EARS2: variants seen among roughly 807,000 people sequenced by gnomAD.
The protein encoded by EARS2 is nondiscriminating glutamyl-tRNA synthetase EARS2, mitochondrial.
In EARS2, 50 loss-of-function variants were observed where a neutral mutation model predicts 54.1. The observed-to-expected ratio is 0.92, with a 90% CI of 0.74 to 1.17. EARS2 has a LOEUF of 1.17. Among genes scored for constraint, EARS2 ranks in the 50% most tolerant of loss-of-function variants. The probability of loss-of-function intolerance (pLI) is 0.00; values close to 1 mark genes in which losing one functional copy is unlikely to be tolerated. For synonymous variants in EARS2, 298 were observed against 281.0 expected (o/e 1.06, Z -0.61); for missense variants, 673 against 675.0 (o/e 1.00, Z 0.03).
intron 2 of EARS2, among the ~76,000 whole-genome samples, chr16:23,547,697 G>T (rs1264444646): frequency 6.6e-6 from 1 of 151,966 alleles, no homozygotes. Flanking sequence ...TAGAGACAGG[G>T]TTTCAACATG....
At chr16:23,545,422 C>A (rs1159024008) in intron 2 of EARS2, among the ~76,000 whole-genome samples, 2 of 152,150 alleles carry the variant, frequency 1.3e-5, no homozygotes, top group East Asian at 1.9e-4. Flanking sequence ...GACAAGGGAT[C>A]CTGAGGTGCT....
In EARS2 at chr16:23,521,241, T is replaced by C. The variant is rs1965139658; in HGVS notation, c.*3130A>G. 6.6e-6 allele frequency among the ~76,000 whole-genome samples: 1 copy of C among 152,208 alleles called. No individual in the cohort carries two copies. On this transcript the variant is annotated 3_prime_UTR_variant, in exon 9 of 9. Transcript: ENST00000449606. ...CACCATTGACCCCTGTAACTACATC[T>C]TGCAAAACTGAAACTCTATACCCTA... is the stretch of plus-strand genomic sequence containing the variant.
Position 23,521,673 on chromosome 16 carries a change from G to A in EARS2, c.*2698C>T, listed in dbSNP as rs1965143895. On this transcript the variant is annotated 3_prime_UTR_variant, in exon 9 of 9. Coordinates refer to ENST00000449606, the MANE Select transcript of EARS2 (RefSeq NM_001083614.2). Reference sequence around the variant, plus strand: ...CCTTTGCCTCACAAAGCATTAGGACGTATTTGTCCTTTTGTGACTGACATT... The same window carrying A: ...CCTTTGCCTCACAAAGCATTAGGACATATTTGTCCTTTTGTGACTGACATT... 5 of 453,676 alleles carry A rather than the reference G, an allele frequency of 1.1e-5. No individual in the cohort carries two copies. Among genetic ancestry groups the A allele is most frequent in the South Asian group, 6.2e-5 (4 of 64,452 alleles). The allele number at this position is 453,676 out of a possible 1,614,324, so 28.1% of individuals were successfully genotyped here. A position where few individuals can be genotyped will look rare whatever the true frequency, so the allele number is the denominator to read the frequency against.
chr16:23,525,347 TG>T lies in EARS2; in HGVS notation c.1384del (p.Gln462ArgfsTer4). The T allele has an allele frequency of 6.2e-7, 1 of 1,614,024 alleles. No homozygotes were observed. The highest frequency in any genetic ancestry group is 1.1e-5 in the South Asian group (1 of 91,058). ...CTTCAGTTCTCCATTCAGCATATCCTGAGTTAAGCTCATACTAGATCTTTCT... is the reference window on the plus strand; with the variant it reads ...CTTCAGTTCTCCATTCAGCATATCCTAGTTAAGCTCATACTAGATCTTTCT... ...LLERSSMSLTQDMLNGELKKL... is the reference protein window; with the variant it reads ...LLERSSMSLTXDMLNGELKKL... On this transcript the variant is annotated frameshift_variant, in exon 8 of 9. Transcript: ENST00000449606. LOFTEE classifies it high-confidence loss of function.
chr16:23,534,641 C>T (rs1380538278), intron 4 of EARS2, among the ~76,000 whole-genome samples: 2 of 152,326 alleles, frequency 1.3e-5, no homozygotes, highest in East Asian at 3.9e-4. Context: ...AGATATGCAA[C>T]TGAGGCTCAG....
rs58359253 is a variant in EARS2 at position 23,553,182 on chromosome 16, G to A, written c.140-878C>T. Reference sequence around the variant, plus strand: ...ATTTTTTTTCAAAGACTAAGAACTAGTTACCCCTGTGCCCTGTCTCCAGAC... The same window carrying A: ...ATTTTTTTTCAAAGACTAAGAACTAATTACCCCTGTGCCCTGTCTCCAGAC... On this transcript the variant is annotated intron_variant, in intron 1 of 8. Transcript: ENST00000449606. The A allele has an allele frequency of 6.3e-3, 1,146 of 181,868 alleles. 19 individuals are homozygous for A. Among genetic ancestry groups the A allele is most frequent in the African/African-American group, 0.026 (1,091 of 41,942 alleles). The allele number at this position is 181,868 out of a possible 1,614,324, so 11.3% of individuals were successfully genotyped here.
intron 2 of EARS2, 125 bp downstream of exon 2, chr16:23,552,024 C>T (rs1965704273): frequency 4.8e-6 from 6 of 1,255,996 alleles, no homozygotes; most frequent in African/African-American, 4.5e-5. Flanking sequence ...CAGGGCAGTA[C>T]AAATGTAGCC....
At chr16:23,537,770 CTTTCT>C (rs910249919) in intron 3 of EARS2, among the ~76,000 whole-genome samples, 96 of 149,520 alleles carry the variant, frequency 6.4e-4, no homozygotes, top group South Asian at 1.3e-3. Context: ...GACAGGGTTT[CTTTCT>C]TTTCTTTTCT....
chr16:23,544,490 T>A (rs1348143574), intron 3 of EARS2, 24 bp downstream of exon 3: 2 of 1,605,936 alleles, frequency 1.2e-6, no homozygotes, highest in African/African-American at 2.7e-5. Flanking sequence ...TGATGAGGCA[T>A]CTGCAACAAG....
At chr16:23,552,692 T>C (rs1323850906) in intron 1 of EARS2, among the ~76,000 whole-genome samples, 1 of 152,370 alleles carries the variant, frequency 6.6e-6, no homozygotes, top group Non-Finnish European at 1.5e-5. Context: ...GCATTCGCCA[T>C]GTTGGCAAGG....
intron 7 of EARS2, 43 bp from the exon 8 acceptor site, chr16:23,525,422 G>A (rs367545763): frequency 3.8e-6 from 6 of 1,583,158 alleles, no homozygotes; most frequent in African/African-American, 1.4e-5. Context: ...ATGGGCCAAT[G>A]GCAAGTGGGT....
Position 23,529,500 on chromosome 16 carries a change from A to C in EARS2, c.1352+2T>G, listed in dbSNP as rs774164131. On this transcript the variant is annotated splice_donor_variant, in intron 7 of 8. Coordinates refer to ENST00000449606, the MANE Select transcript of EARS2 (RefSeq NM_001083614.2). LOFTEE classifies it high-confidence loss of function. ...CCCTGAGCTCAGCCTGCGGGTACTCACCCCAGCACACGCTTGGCAATCACA... is the reference window on the plus strand; with the variant it reads ...CCCTGAGCTCAGCCTGCGGGTACTCCCCCCAGCACACGCTTGGCAATCACA... The C allele has an allele frequency of 6.2e-7, 1 of 1,613,178 alleles. No individual in the cohort carries two copies. Among genetic ancestry groups the C allele is most frequent in the East Asian group, 2.2e-5 (1 of 44,842 alleles).
At chr16:23,538,470 G>T (rs905479403) in intron 3 of EARS2, among the ~76,000 whole-genome samples, 2 of 152,104 alleles carry the variant, frequency 1.3e-5, no homozygotes, top group Non-Finnish European at 2.9e-5. Flanking sequence ...TTTTACATTG[G>T]CTTCTGTTTT....
At position 23,542,316 on chromosome 16, in the gene EARS2, C is replaced by CCTT. The variant is rs1555503914; in HGVS notation, c.485+2197_485+2198insAAG. Among the ~76,000 whole-genome samples the CCTT allele has an allele frequency of 6.4e-5, 6 of 93,712 alleles. No individual in the cohort carries two copies. The East Asian group carries it at 1.4e-3, about 23-fold the overall frequency. The allele number at this position is 93,712 out of a possible 152,430, so 61.5% of individuals were successfully genotyped here. On this transcript the variant is annotated intron_variant, in intron 3 of 8. Coordinates refer to ENST00000449606, the MANE Select transcript of EARS2 (RefSeq NM_001083614.2). ...GGCCCTTTGTGGACCTTTCATTTTT[C>CCTT]TTTTTTTTTTTTTTTTTTTTTGAGA...
intron 3 of EARS2, among the ~76,000 whole-genome samples, chr16:23,535,880 T>G (rs147592785): frequency 2.6e-5 from 4 of 152,208 alleles, no homozygotes; most frequent in Non-Finnish European, 5.9e-5. Flanking sequence ...AAGGGGAGCA[T>G]GCTTGGACCT....
intron 4 of EARS2, 113 bp downstream of exon 4, chr16:23,534,775 C>T (rs1468981975): frequency 3.4e-6 from 3 of 879,330 alleles, no homozygotes; most frequent in African/African-American, 3.4e-5. Flanking sequence ...TGTCCAAGGT[C>T]ACCTGGCTGG....
At chr16:23,552,681 G>A (rs539235469) in intron 1 of EARS2, among the ~76,000 whole-genome samples, 1 of 152,356 alleles carries the variant, frequency 6.6e-6, no homozygotes, top group Admixed American at 6.5e-5. Flanking sequence ...GGTAGAGACA[G>A]GCATTCGCCA....
At chr16:23,555,942 A>G (rs1364944793) in intron 1 of EARS2, among the ~76,000 whole-genome samples, 1 of 152,276 alleles carries the variant, frequency 6.6e-6, no homozygotes, top group Non-Finnish European at 1.5e-5. Flanking sequence ...GCTAACCCAA[A>G]TAAAATGAGA....
At chr16:23,546,085 A>C (rs1347559804) in intron 2 of EARS2, among the ~76,000 whole-genome samples, 1 of 152,216 alleles carries the variant, frequency 6.6e-6, no homozygotes, top group African/African-American at 2.4e-5. Context: ...GTCAGTGCTT[A>C]TAAGCACTTA....
Sources: allele counts gnomAD v4.1 joint callset (sites outside exome capture counted in the v4.1 genomes callset), GRCh38; gene constraint gnomAD v4.1.1; transcripts MANE v1.5; gene names NCBI Gene and HGNC (gene_info 2026-07-23, HGNC 2026-07-21).